Variants in LCT observed in about 807,000 individuals in gnomAD.
LCT encodes the protein lactase.
LCT carries 90 observed loss-of-function variants against 173.0 expected under a neutral mutation model. That is an observed-to-expected ratio of 0.52 (90% CI 0.44 to 0.62). The LOEUF (loss-of-function observed/expected upper bound fraction) is 0.62. Among genes scored for constraint, LCT ranks in the 20% least tolerant of loss-of-function variants. The pLI is 0.00. For missense variants in LCT, 1,864 were observed against 2,431.4 expected (o/e 0.77, Z 4.91); for synonymous variants, 853 against 957.6 (o/e 0.89, Z 2.02).
chr2:135,788,663 C>A, intron 16 of LCT, 119 bp from the exon 17 acceptor site: 1 of 742,746 alleles, frequency 1.3e-6, no homozygotes, highest in Non-Finnish European at 2.4e-6. Context: ...GACGGGATGC[C>A]GAGGTGGAGG....
chr2:135,818,176 C>A (rs1309226144), intron 5 of LCT, 115 bp from the exon 6 acceptor site: 1 of 1,274,682 alleles, frequency 7.8e-7, no homozygotes, highest in African/African-American at 1.5e-5. Context: ...AACACTGAGT[C>A]AAAAGTCATA....
rs1277602923 is a variant in LCT, at chr2:135,809,767, T to C, written c.2580A>G (p.Thr860=). 3 of 1,614,090 alleles carry C rather than the reference T, an allele frequency of 1.9e-6. No homozygotes were observed. Among genetic ancestry groups the C allele is most frequent in the African/African-American group, 2.7e-5 (2 of 74,946 alleles). Residue 860 remains threonine, a synonymous_variant, in exon 8 of 17, where the codon ACA becomes ACG. Coordinates refer to ENST00000264162, the MANE Select transcript of LCT (RefSeq NM_002299.4). This position sits in a 1 kb window ranked among gnomAD's most constrained non-coding sequence, Gnocchi z 5.5. ...CTCTGACTTTGGAGGGGAGGTTTAC[T>C]GTATTAGGTGGTAGCAGTCTTTTTG... ...KGAKRLLPPN[T]VNLPSKVRAF... is the part of the protein sequence containing the mutation.
chr2:135,790,873 G>A lies in LCT; in HGVS notation c.5120C>T (p.Ala1707Val). The part of the protein sequence containing the change: ...ISSFDADRGV[A>V]SIADRSWPDS... ...TGGCCACGAGCGATCTGCGATGGAAGCAACTCCTCTACAAGTTCAAAAACT... is the reference window on the plus strand; with the variant it reads ...TGGCCACGAGCGATCTGCGATGGAAACAACTCCTCTACAAGTTCAAAAACT... Residue 1707 changes from alanine (A) to valine (V), a missense_variant, in exon 15 of 17, where the codon GCT becomes GTT. Ala to Val is a moderately conservative substitution (Grantham distance 64). Transcript: ENST00000264162. This position sits in a 1 kb window ranked among gnomAD's most constrained non-coding sequence, Gnocchi z 4.1. 6.2e-7 allele frequency: 1 copy of A among 1,613,496 alleles called. No homozygotes were observed. The highest frequency in any genetic ancestry group is 1.1e-5 in the South Asian group (1 of 91,078).
chr2:135,790,755 A>G lies in LCT; in HGVS notation c.5238T>C (p.Tyr1746=). 5 of 1,613,874 alleles carry G rather than the reference A, an allele frequency of 3.1e-6. No homozygotes were observed. The highest frequency in any genetic ancestry group is 3.4e-6 in the Non-Finnish European group (4 of 1,179,910). Residue 1746 remains tyrosine (Y), a synonymous_variant, in exon 15 of 17, where the codon TAT becomes TAC. Coordinates refer to ENST00000264162, the MANE Select transcript of LCT (RefSeq NM_002299.4). The surrounding 1 kb of genome is among the most constrained non-coding windows in gnomAD (Gnocchi z 4.1). ...LKEEYNDPPI[Y]VTENGVSQRE... is the part of the protein sequence containing the mutation. ...GCTGGGACACTCCATTCTCTGTGAC[A>G]TAAATTGGAGGGTCATTGTATTCCT... is the stretch of plus-strand genomic sequence containing the variant.
Position 135,836,855 on chromosome 2 carries a change from T to C in LCT, c.315A>G (p.Pro105=), listed in dbSNP as rs1329671211. Residue 105 remains proline, a synonymous_variant, in exon 1 of 17, where the codon CCA becomes CCG. Transcript: ENST00000264162. ...QLLPAGSTQN[P]DEKTVQCYRR... Reference sequence around the variant, plus strand: ...GGTAGCACTGCACTGTTTTCTCGTCTGGATTCTGGGTGCTTCCTGCTGGGA... The same window carrying C: ...GGTAGCACTGCACTGTTTTCTCGTCCGGATTCTGGGTGCTTCCTGCTGGGA... 1 of 1,614,184 alleles carries C rather than the reference T, an allele frequency of 6.2e-7. No individual in the cohort carries two copies.
rs899197787 is a variant in LCT, at chr2:135,814,665, C to T, written c.1708-1709G>A. On this transcript the variant is annotated intron_variant, in intron 6 of 16. Transcript: ENST00000264162. Reference sequence around the variant, plus strand: ...CAGAGTAGCTGGGACTACAGGTGCCCGCCACCATGCCTGGCTAATTTTTGT... The same window carrying T: ...CAGAGTAGCTGGGACTACAGGTGCCTGCCACCATGCCTGGCTAATTTTTGT... Among the ~76,000 whole-genome samples the T allele has an allele frequency of 3.1e-4, 47 of 151,894 alleles. No individual in the cohort carries two copies. The East Asian group carries it at 3.5e-3, about 11-fold the overall frequency.
chr2:135,818,982 A>G (rs1356997239), intron 5 of LCT, among the ~76,000 whole-genome samples: 1 of 152,206 alleles, frequency 6.6e-6, no homozygotes, highest in East Asian at 1.9e-4. Context: ...GATTTCTGAC[A>G]TAATGGCAGG....
chr2:135,800,505 A>G, intron 12 of LCT, 102 bp downstream of exon 12: 1 of 1,005,248 alleles, frequency 9.9e-7, no homozygotes, highest in Admixed American at 1.8e-5. Flanking sequence ...GATTATAGAC[A>G]TGAGCCACCA....
chr2:135,829,718 T>C (rs1288386736), intron 2 of LCT, 42 bp from the exon 3 acceptor site: 2 of 1,308,832 alleles, frequency 1.5e-6, no homozygotes, highest in East Asian at 2.3e-5. Context: ...ACCTAAGCAC[T>C]GTCAAGACTA....
intron 7 of LCT, 172 bp from the exon 8 acceptor site, chr2:135,810,165 C>A (rs1025452609): frequency 4.9e-6 from 3 of 606,682 alleles, no homozygotes; most frequent in Admixed American, 2.9e-5. Context: ...ATTTATTTAT[C>A]TTTTAAAGAC....
In LCT at chr2:135,809,750, T is replaced by C. The variant is rs778040726; in HGVS notation, c.2597A>G (p.Lys866Arg). Residue 866 changes from lysine (K) to arginine (R), a missense_variant, in exon 8 of 17, where the codon AAA (lysine) becomes AGA (arginine). Lys to Arg is a conservative substitution (Grantham distance 26). Coordinates refer to ENST00000264162, the MANE Select transcript of LCT (RefSeq NM_002299.4). The surrounding 1 kb of genome is among the most constrained non-coding windows in gnomAD (Gnocchi z 5.5). ...LPPNTVNLPS[K>R]VRAFTFPSEV... ...AGATGGAAAAGTGAAGGCTCTGACTTTGGAGGGGAGGTTTACTGTATTAGG... is the reference window on the plus strand; with the variant it reads ...AGATGGAAAAGTGAAGGCTCTGACTCTGGAGGGGAGGTTTACTGTATTAGG... 2 of 1,614,050 alleles carry C rather than the reference T, an allele frequency of 1.2e-6. No homozygotes were observed. The highest frequency in any genetic ancestry group is 1.3e-5 in the African/African-American group (1 of 74,924).
chr2:135,803,802 G>T, intron 11 of LCT, 128 bp downstream of exon 11: 3 of 808,502 alleles, frequency 3.7e-6, no homozygotes, highest in Non-Finnish European at 6.3e-6. Context: ...CTACAGCCCT[G>T]AGCAAGAGGC....
chr2:135,790,685 G>A lies in LCT; in HGVS notation c.5308C>T (p.Arg1770Trp), dbSNP rs1257485651. The change falls in exon 15 of 17, where the codon CGG becomes TGG. Residue 1770 changes from arginine (R) to tryptophan (W), a missense_variant. By Grantham distance (101) the Arg-to-Trp change is moderately radical (BLOSUM62 -3). This residue lies in a region of LCT where 514 missense variants were observed against 750.1 expected (regional missense o/e 0.69). Coordinates refer to ENST00000264162, the MANE Select transcript of LCT (RefSeq NM_002299.4). This position sits in a 1 kb window ranked among gnomAD's most constrained non-coding sequence, Gnocchi z 4.1. Reference protein sequence around the residue: ...LNDTARIYYLRTYINEALKAV... With the variant: ...LNDTARIYYLWTYINEALKAV... ...TTGAGGGCCTCATTGATGTAAGTCC[G>A]AAGGTAGTAGATCCTTGCAGTGTCA... 1.9e-6 allele frequency: 3 copies of A among 1,612,462 alleles called. No homozygotes were observed. The highest frequency in any genetic ancestry group is 2.5e-6 in the Non-Finnish European group (3 of 1,179,376).
At position 135,809,111 on chromosome 2, in the gene LCT, A is replaced by G. The variant is rs989757779; in HGVS notation, c.3236T>C (p.Phe1079Ser). 2.5e-6 allele frequency: 4 copies of G among 1,614,022 alleles called. No homozygotes were observed. The African/African-American group carries it at 5.3e-5, about 22-fold the overall frequency. ...LAWLGYGSGE[F>S]PPGVKDPGWA... Reference sequence around the variant, plus strand: ...GCCTGGGTCCTTCACCCCTGGGGGAAATTCCCCTGAGCCATAACCTAGCCA... The same window carrying G: ...GCCTGGGTCCTTCACCCCTGGGGGAGATTCCCCTGAGCCATAACCTAGCCA... The change falls in exon 8 of 17, where the codon TTT becomes TCT. Residue 1079 changes from phenylalanine to serine, a missense_variant. By Grantham distance (155) the Phe-to-Ser change is radical (BLOSUM62 -2). Around this residue, in one of 4 missense-constraint regions of LCT, gnomAD observed 755 missense variants for 926.3 expected, o/e 0.82. Coordinates refer to ENST00000264162, the MANE Select transcript of LCT (RefSeq NM_002299.4). The surrounding 1 kb of genome is among the most constrained non-coding windows in gnomAD (Gnocchi z 5.5).
chr2:135,834,347 C>T (rs1285779279), intron 1 of LCT, among the ~76,000 whole-genome samples: 5 of 151,756 alleles, frequency 3.3e-5, no homozygotes, highest in Admixed American at 1.3e-4. Flanking sequence ...TACCACGCCT[C>T]GCTAATTTTT....
At position 135,817,399 on chromosome 2, in the gene LCT, C is replaced by T; in HGVS notation, c.1649G>A (p.Gly550Asp). The change falls in exon 6 of 17, where the codon GGC (glycine) becomes GAC (aspartate). Residue 550 changes from glycine (G) to aspartate (D), a missense_variant. By Grantham distance (94) the Gly-to-Asp change is moderately conservative (BLOSUM62 -1). Around this residue, in one of 4 missense-constraint regions of LCT, gnomAD observed 183 missense variants for 293.1 expected, o/e 0.62. Transcript: ENST00000264162. ...FHEPWVMSYA[G>D]YGTGQHPPGI... ...GGGAGGGTGCTGGCCGGTGCCATAG[C>T]CTGCGTAGCTCATCACCCACGGCTC... 6.2e-7 allele frequency: 1 copy of T among 1,614,138 alleles called. No individual in the cohort carries two copies. Among genetic ancestry groups the T allele is most frequent in the Non-Finnish European group, 8.5e-7 (1 of 1,180,002 alleles).
At chr2:135,833,663 G>A (rs1258607563) in intron 1 of LCT, among the ~76,000 whole-genome samples, 1 of 151,104 alleles carries the variant, frequency 6.6e-6, no homozygotes, top group African/African-American at 2.4e-5. Flanking sequence ...AGCCAGGATG[G>A]TCTCGATCTC....
intron 1 of LCT, 73 bp downstream of exon 1, chr2:135,836,457 T>C (rs1679383700): frequency 2.2e-6 from 3 of 1,356,572 alleles, no homozygotes; most frequent in Non-Finnish European, 3.2e-6. Flanking sequence ...ATGTCGAATC[T>C]GCTCTAAGGA....
chr2:135,803,783 G>A, intron 11 of LCT, 147 bp downstream of exon 11: 1 of 723,052 alleles, frequency 1.4e-6, no homozygotes, highest in Non-Finnish European at 2.4e-6. Flanking sequence ...AATGCCAGGA[G>A]GGAAACCTCT....
Sources: gnomAD v4.1 joint callset for allele counts (sites outside exome capture counted in the v4.1 genomes callset) on GRCh38, gnomAD v4.1.1 for gene constraint, gnomAD v4.1.1 regional missense constraint, Gnocchi (gnomAD v3.1) non-coding constraint, MANE v1.5 for transcripts, NCBI Gene and HGNC (gene_info 2026-07-23, HGNC 2026-07-21) for gene names.